Variants in COBL observed in about 807,000 individuals in gnomAD.
The protein encoded by COBL is cordon-bleu WH2 repeat protein.
Under a neutral mutation model 98.8 loss-of-function variants are expected in COBL, and 51 were observed. The ratio of observed to expected loss-of-function variants is 0.52; its 90% confidence interval spans 0.41 to 0.65. The LOEUF (loss-of-function observed/expected upper bound fraction) is 0.65, where lower values mean the gene tolerates loss of function less well. Ranked by LOEUF, COBL falls within the 30% of genes least tolerant of loss-of-function variation. The pLI, the probability that COBL is intolerant of heterozygous loss-of-function variation, is 0.00. For synonymous variants in COBL, 634 were observed against 651.7 expected (o/e 0.97, Z 0.41); for missense variants, 1,617 against 1,617.5 (o/e 1.00, Z 0.01).
In COBL at chr7:51,066,767, T is replaced by G. The variant is rs992057016; in HGVS notation, c.1096+18399A>C. On this transcript the variant is annotated intron_variant, in intron 7 of 12. Transcript: ENST00000265136. ...GCTGTACCTTCCTGTAGTCCCACTG[T>G]GCAGTCTGCACTCAAGCAGAGGCCA... is the stretch of plus-strand genomic sequence containing the variant. Among the ~76,000 whole-genome samples, 5 of 152,296 alleles carry G rather than the reference T, an allele frequency of 3.3e-5. No homozygotes were observed. In the East Asian group the frequency reaches 9.7e-4, roughly 29 times the overall value.
In COBL at chr7:51,132,567, T is replaced by C. The variant is rs141514237; in HGVS notation, c.957+3591A>G. On this transcript the variant is annotated intron_variant, in intron 6 of 12. Transcript: ENST00000265136. ...AACAAGTGAGGAAACCATGAGCAAA[T>C]AAGAGGAAAACAAACTCTCCTTCGG... Among the ~76,000 whole-genome samples, 589 of 152,200 alleles carry C rather than the reference T, an allele frequency of 3.9e-3. 1 individual carries two copies. Among genetic ancestry groups the C allele is most frequent in the African/African-American group, 0.014 (566 of 41,540 alleles).
chr7:51,090,331 T>C (rs1794691100), intron 6 of COBL, among the ~76,000 whole-genome samples: 1 of 152,218 alleles, frequency 6.6e-6, no homozygotes, highest in Non-Finnish European at 1.5e-5. Flanking sequence ...GCAAGCTTAA[T>C]GCCAAGAATG....
At chr7:51,158,890 G>A (rs1049220566) in intron 5 of COBL, among the ~76,000 whole-genome samples, 1 of 152,060 alleles carries the variant, frequency 6.6e-6, no homozygotes, top group African/African-American at 2.4e-5. Context: ...GTGGGGGACA[G>A]GGAAGGCACA....
intron 6 of COBL, among the ~76,000 whole-genome samples, chr7:51,118,239 A>G (rs1327359532): frequency 1.3e-5 from 2 of 152,108 alleles, no homozygotes; most frequent in African/African-American, 4.8e-5. Flanking sequence ...TGGTAGTTTA[A>G]ACACAAACAC....
chr7:51,197,290 G>A (rs1053807913), intron 2 of COBL, among the ~76,000 whole-genome samples: 3 of 151,938 alleles, frequency 2.0e-5, no homozygotes, highest in Non-Finnish European at 4.4e-5. Context: ...CCAAAAGTAA[G>A]TCAGGAGCAG....
chr7:51,293,936 C>G (rs1037224762), intron 1 of COBL, among the ~76,000 whole-genome samples: 22 of 152,116 alleles, frequency 1.4e-4, no homozygotes, highest in African/African-American at 4.8e-4. Flanking sequence ...GCACAGTGCT[C>G]CCAGTATATA....
At chr7:51,040,840 T>C (rs761946864) in intron 8 of COBL, among the ~76,000 whole-genome samples, 4 of 152,230 alleles carry the variant, frequency 2.6e-5, no homozygotes, top group Non-Finnish European at 5.9e-5. Flanking sequence ...CCATAGTCAA[T>C]ATTAACCCTC....
intron 1 of COBL, among the ~76,000 whole-genome samples, chr7:51,283,350 T>G (rs1799974559): frequency 6.6e-6 from 1 of 151,788 alleles, no homozygotes; most frequent in Non-Finnish European, 1.5e-5. Context: ...GCTATGAACA[T>G]ATCTACACAC....
chr7:51,164,577 G>A (rs995719061), intron 5 of COBL, among the ~76,000 whole-genome samples: 6 of 151,986 alleles, frequency 3.9e-5, no homozygotes, highest in African/African-American at 1.2e-4. Context: ...AAAAGCTGGG[G>A]AATTTCTCAA....
At position 51,190,840 on chromosome 7, in the gene COBL, G is replaced by T. The variant is rs191263117; in HGVS notation, c.685+10C>A. 1.2e-6 allele frequency: 2 copies of T among 1,608,414 alleles called. No homozygotes were observed. The highest frequency in any genetic ancestry group is 2.2e-5 in the East Asian group (1 of 44,802). ...TATGGGCAGGTGCGTGAGACGCAGC[G>T]GGGCCTCACCTCTTCTGTTGTCCCA... On this transcript the variant is annotated intron_variant, in intron 4 of 12. Transcript: ENST00000265136.
chr7:51,077,101 A>C (rs986152927), intron 7 of COBL, among the ~76,000 whole-genome samples: 1 of 152,254 alleles, frequency 6.6e-6, no homozygotes, highest in African/African-American at 2.4e-5. Flanking sequence ...GCAGAAAGCA[A>C]GCTGATTCGA....
chr7:51,054,356 TGGGTTGGC>T (rs909373954), intron 7 of COBL, among the ~76,000 whole-genome samples: 27 of 152,176 alleles, frequency 1.8e-4, no homozygotes, highest in African/African-American at 6.3e-4. Flanking sequence ...AGATTTCCAC[TGGGTTGGC>T]CCCACAGTTC....
At chr7:51,237,847 C>A (rs1176576195) in intron 1 of COBL, among the ~76,000 whole-genome samples, 1 of 152,186 alleles carries the variant, frequency 6.6e-6, no homozygotes, top group East Asian at 1.9e-4. Flanking sequence ...AAGGGTGTGA[C>A]AGGATTTCTG....
rs569642574 is a variant in COBL, at chr7:51,094,707, T to C, written c.958-9403A>G. The stretch of plus-strand genomic sequence containing the variant: ...GTTACTCTCTGATGGAGTAACTATA[T>C]AGACAAATACATAATCCTGGAATAT... On this transcript the variant is annotated intron_variant, in intron 6 of 12. Transcript: ENST00000265136. Among the ~76,000 whole-genome samples, 225 of 152,274 alleles carry C rather than the reference T, an allele frequency of 1.5e-3. 1 individual carries two copies. The highest frequency in any genetic ancestry group is 2.4e-3 in the Non-Finnish European group (161 of 68,010).
At chr7:51,052,271 T>C (rs181973305) in intron 7 of COBL, among the ~76,000 whole-genome samples, 2 of 152,330 alleles carry the variant, frequency 1.3e-5, no homozygotes, top group African/African-American at 2.4e-5. Flanking sequence ...GGCAAGTTCA[T>C]TCAAACCTCA....
At chr7:51,079,463 A>T (rs1277386210) in intron 7 of COBL, among the ~76,000 whole-genome samples, 1 of 152,262 alleles carries the variant, frequency 6.6e-6, no homozygotes, top group Non-Finnish European at 1.5e-5. Flanking sequence ...GCTATGTGTC[A>T]GGCACCTATC....
intron 2 of COBL, among the ~76,000 whole-genome samples, chr7:51,215,606 A>G (rs941086333): frequency 4.6e-5 from 7 of 152,218 alleles, no homozygotes; most frequent in Non-Finnish European, 4.4e-5. Flanking sequence ...GCATAATCAC[A>G]CCAAGGTGCA....
At chr7:51,299,318 T>C (rs1287141662) in intron 1 of COBL, among the ~76,000 whole-genome samples, 1 of 152,234 alleles carries the variant, frequency 6.6e-6, no homozygotes, top group Non-Finnish European at 1.5e-5. Context: ...AGTATTATAT[T>C]CCAAAGAACT....
At chr7:51,121,658 C>T (rs981624652) in intron 6 of COBL, among the ~76,000 whole-genome samples, 1 of 152,198 alleles carries the variant, frequency 6.6e-6, no homozygotes, top group African/African-American at 2.4e-5. Context: ...GGAGGCTCTG[C>T]ACCCAGCTTC....
Sources: gnomAD v4.1 joint callset for allele counts (sites outside exome capture counted in the v4.1 genomes callset) on GRCh38, gnomAD v4.1.1 for gene constraint, MANE v1.5 for transcripts, NCBI Gene and HGNC (gene_info 2026-07-23, HGNC 2026-07-21) for gene names.